Variants in STK3 observed in about 807,000 individuals in gnomAD.
STK3 encodes serine/threonine kinase 3, also known as serine/threonine-protein kinase 3.
A neutral mutation model predicts 58.0 loss-of-function variants in STK3; 41 were observed. That is an observed-to-expected ratio of 0.71 (90% confidence interval 0.55 to 0.92). The LOEUF (loss-of-function observed/expected upper bound fraction) is 0.92, where lower values mean the gene tolerates loss of function less well. Among genes scored for constraint, STK3 ranks in the 40% least tolerant of loss-of-function variants. The pLI, the probability that STK3 is intolerant of heterozygous loss-of-function variation, is 0.00. For synonymous variants in STK3, 170 were observed against 191.0 expected (o/e 0.89, Z 0.91); for missense variants, 479 against 602.7 (o/e 0.79, Z 2.15).
rs146813206 is a variant in STK3 at position 98,540,996 on chromosome 8, A to G, written c.1141+6973T>C. 1.8e-4 allele frequency among the ~76,000 whole-genome samples: 27 copies of G among 152,274 alleles called. No individual in the cohort carries two copies. The East Asian group carries it at 3.5e-3, about 20-fold the overall frequency. ...TAAATAGCAGTGAGGGTTGATTTCAATCTGTATTACTGAACTCAGCGGCGC... is the reference window on the plus strand; with the variant it reads ...TAAATAGCAGTGAGGGTTGATTTCAGTCTGTATTACTGAACTCAGCGGCGC... On this transcript the variant is annotated intron_variant, in intron 9 of 10. Coordinates refer to ENST00000419617, the MANE Select transcript of STK3 (RefSeq NM_006281.4).
intron 1 of STK3, among the ~76,000 whole-genome samples, chr8:98,917,502 C>A (rs545466858): frequency 3.0e-4 from 45 of 152,074 alleles, no homozygotes; most frequent in Non-Finnish European, 6.0e-4. Flanking sequence ...GCCTTGGTCA[C>A]GAGGATGGAC....
At chr8:98,381,987 T>A (rs1563588469) in intron 1 of STK3, among the ~76,000 whole-genome samples, 2 of 152,222 alleles carry the variant, frequency 1.3e-5, no homozygotes, top group Non-Finnish European at 2.9e-5. Flanking sequence ...AGTGTTGAGT[T>A]TTTTGTCACC....
At chr8:98,553,781 T>C (rs901358710) in intron 8 of STK3, among the ~76,000 whole-genome samples, 2 of 151,996 alleles carry the variant, frequency 1.3e-5, no homozygotes, top group South Asian at 2.1e-4. Flanking sequence ...CTGGCCAACA[T>C]AGTGAAACTC....
chr8:98,770,634 ATATAT>A (rs1357283575), intron 2 of STK3, among the ~76,000 whole-genome samples: 1 of 152,218 alleles, frequency 6.6e-6, no homozygotes, highest in African/African-American at 2.4e-5. Flanking sequence ...TAGAATGGAT[ATATAT>A]TATAAGTGCC....
intron 10 of STK3, among the ~76,000 whole-genome samples, chr8:98,466,401 T>C (rs993302227): frequency 2.6e-5 from 4 of 152,210 alleles, no homozygotes; most frequent in Non-Finnish European, 4.4e-5. Flanking sequence ...ACAGTAAATC[T>C]TGGGATGATT....
At chr8:98,923,275 G>T (rs571937859) in intron 1 of STK3, among the ~76,000 whole-genome samples, 4 of 152,330 alleles carry the variant, frequency 2.6e-5, no homozygotes, top group African/African-American at 9.6e-5. Flanking sequence ...GTTTGTGGGA[G>T]TTATAATAAA....
downstream of STK3, chr8:98,883,744 T>C: frequency 1.4e-6 from 1 of 702,928 alleles, no homozygotes; most frequent in Non-Finnish European, 2.6e-6. Context: ...CCACTGTCCA[T>C]GAGTTGTAAC....
intron 3 of STK3, among the ~76,000 whole-genome samples, chr8:98,414,884 C>A (rs537164698): frequency 7.4e-4 from 113 of 152,260 alleles, no homozygotes; most frequent in African/African-American, 2.6e-3. Flanking sequence ...TGGGGAGGTG[C>A]CCAGTCCCTG....
intron 3 of STK3, among the ~76,000 whole-genome samples, chr8:98,415,386 T>G (rs1418476885): frequency 6.6e-6 from 1 of 152,222 alleles, no homozygotes; most frequent in East Asian, 1.9e-4. Flanking sequence ...ATACTTTTGT[T>G]GATGATAGTA....
At chr8:98,521,637 A>C (rs1825370529) in intron 10 of STK3, among the ~76,000 whole-genome samples, 1 of 152,066 alleles carries the variant, frequency 6.6e-6, no homozygotes, top group Admixed American at 6.6e-5. Context: ...TAACCTTGCA[A>C]GCTTTCACCC....
chr8:98,908,774 C>T (rs569732530), intron 1 of STK3, among the ~76,000 whole-genome samples: 6 of 138,424 alleles, frequency 4.3e-5, no homozygotes, highest in Admixed American at 2.4e-4. Flanking sequence ...ACCCGGGAGG[C>T]GGAGGTTGCA....
intron 2 of STK3, among the ~76,000 whole-genome samples, chr8:98,374,320 C>G (rs899096153): frequency 2.0e-5 from 3 of 152,186 alleles, no homozygotes; most frequent in Non-Finnish European, 4.4e-5. Context: ...GGCCGTCTGT[C>G]TAAGCCAACA....
intron 10 of STK3, among the ~76,000 whole-genome samples, chr8:98,514,542 A>C (rs1248140821): frequency 1.4e-5 from 2 of 145,852 alleles, no homozygotes; most frequent in East Asian, 2.0e-4. Flanking sequence ...CTACCTCCCC[A>C]CAAAAAAAAA....
intron 4 of STK3, among the ~76,000 whole-genome samples, chr8:98,709,312 G>A (rs1407106549): frequency 6.6e-6 from 1 of 152,016 alleles, no homozygotes; most frequent in East Asian, 1.9e-4. Context: ...AAGTCTAAAT[G>A]ATATAATGGG....
At chr8:98,373,739 CT>C (rs911830790) in intron 2 of STK3, among the ~76,000 whole-genome samples, 3 of 151,940 alleles carry the variant, frequency 2.0e-5, no homozygotes, top group Non-Finnish European at 2.9e-5. Context: ...CTTTTCTTTC[CT>C]TTTTTTTGTG....
chr8:98,706,266 A>C (rs916390479), intron 6 of STK3, among the ~76,000 whole-genome samples: 3 of 152,256 alleles, frequency 2.0e-5, no homozygotes, highest in Non-Finnish European at 1.5e-5. Flanking sequence ...GAGATATACA[A>C]AGCCTTCAGT....
At chr8:98,678,773 G>A (rs948282568) in intron 6 of STK3, among the ~76,000 whole-genome samples, 1 of 152,044 alleles carries the variant, frequency 6.6e-6, no homozygotes, top group Non-Finnish European at 1.5e-5. Context: ...AAATGTTAAT[G>A]GTAAATCTTG....
chr8:98,361,893 C>T, the STK3 span, among the ~76,000 whole-genome samples: 1 of 152,108 alleles, frequency 6.6e-6, no homozygotes, highest in Admixed American at 6.5e-5. Flanking sequence ...AGCTTCTTGG[C>T]TCAGGGCACC....
chr8:98,711,640 G>C (rs916370915), intron 4 of STK3, among the ~76,000 whole-genome samples: 2 of 152,302 alleles, frequency 1.3e-5, no homozygotes, highest in South Asian at 4.1e-4. Context: ...TAGGTGAAAA[G>C]ACCAAATCTA....
Sources: allele counts gnomAD v4.1 joint callset (sites outside exome capture counted in the v4.1 genomes callset), GRCh38; gene constraint gnomAD v4.1.1; transcripts MANE v1.5; gene names NCBI Gene and HGNC (gene_info 2026-07-23, HGNC 2026-07-21).